The following KCNQ1 variants were observed in gnomAD, a reference collection of about 807,000 sequenced individuals.
KCNQ1 encodes potassium voltage-gated channel subfamily KQT member 1.
A neutral mutation model predicts 72.4 loss-of-function variants in KCNQ1; 49 were observed. That is an observed-to-expected ratio of 0.68 (90% CI 0.54 to 0.86). The LOEUF is 0.86. Among genes scored for constraint, KCNQ1 ranks in the 40% least tolerant of loss-of-function variants. KCNQ1 has a pLI of 0.00. For missense variants in KCNQ1, 790 were observed against 945.1 expected, an observed-to-expected ratio of 0.84 and a Z score of 2.15; for synonymous variants, 450 against 412.6, an observed-to-expected ratio of 1.09 and a Z score of -1.10.
rs1255782709 is a variant in KCNQ1, at chr11:2,683,488, A to C, written c.1514+21407A>C. 5.0e-6 allele frequency: 2 copies of C among 398,512 alleles called. No homozygotes were observed. Among genetic ancestry groups the C allele is most frequent in the East Asian group, 3.6e-5 (1 of 28,092 alleles). The allele number at this position is 398,512 out of a possible 1,614,324, so 24.7% of individuals were successfully genotyped here. A position where few individuals can be genotyped will look rare whatever the true frequency, so the allele number is the denominator to read the frequency against. On this transcript the variant is annotated intron_variant, in intron 11 of 15. Transcript: ENST00000155840. The surrounding 1 kb of genome is among the most constrained non-coding windows in gnomAD (Gnocchi z 4.7). ...CATCAATGACAGTTTTCCTATTAAAACATAACTTGTTAAAGCATAGAGCTT... is the reference window on the plus strand; with the variant it reads ...CATCAATGACAGTTTTCCTATTAAACCATAACTTGTTAAAGCATAGAGCTT...
intron 1 of KCNQ1, among the ~76,000 whole-genome samples, chr11:2,487,617 C>T (rs1458456922): frequency 3.9e-5 from 6 of 152,040 alleles, no homozygotes; most frequent in Non-Finnish European, 8.8e-5. Context: ...AAGTATTCTA[C>T]TTGATGCTAT....
intron 11 of KCNQ1, among the ~76,000 whole-genome samples, chr11:2,705,528 A>G (rs778305360): frequency 5.5e-4 from 83 of 152,162 alleles, no homozygotes; most frequent in Non-Finnish European, 9.7e-4. Context: ...CATTGCCTGC[A>G]GGGCCTTTTC....
At position 2,658,413 on chromosome 11, in the gene KCNQ1, A is replaced by C. The variant is rs181380554; in HGVS notation, c.1394-3548A>C. 9 of 398,504 alleles carry C rather than the reference A, an allele frequency of 2.3e-5. No homozygotes were observed. In the East Asian group the frequency reaches 2.8e-4, roughly 13 times the overall value. 24.7% of individuals were successfully genotyped at this position (398,504 alleles called of 1,614,324 possible). On this transcript the variant is annotated intron_variant, in intron 10 of 15. Transcript: ENST00000155840. The surrounding 1 kb of genome is among the most constrained non-coding windows in gnomAD (Gnocchi z 4.9). ...CAATATTATTTATTTTGTTGCTCAA[A>C]TTGTTCAAGCTGTGGCCACTGGTGG... is the stretch of plus-strand genomic sequence containing the variant.
Position 2,661,328 on chromosome 11 carries a change from G to C in KCNQ1, c.1394-633G>C. ...AGAGAGTGGGGAGTGATAAGGATCAGTATCCTGAGCTCCTGTGTCAAAGTT... is the reference window on the plus strand; with the variant it reads ...AGAGAGTGGGGAGTGATAAGGATCACTATCCTGAGCTCCTGTGTCAAAGTT... On this transcript the variant is annotated intron_variant, in intron 10 of 15. Coordinates refer to ENST00000155840, the MANE Select transcript of KCNQ1 (RefSeq NM_000218.3). This position sits in a 1 kb window ranked among gnomAD's most constrained non-coding sequence, Gnocchi z 5.9. 2 of 404,020 alleles carry C rather than the reference G, an allele frequency of 5.0e-6. No homozygotes were observed. The highest frequency in any genetic ancestry group is 8.3e-5 in the Admixed American group (2 of 24,152). 25.0% of individuals were successfully genotyped at this position (404,020 alleles called of 1,614,324 possible).
At chr11:2,582,849 G>T (rs757095700) in intron 6 of KCNQ1, among the ~76,000 whole-genome samples, 2 of 152,176 alleles carry the variant, frequency 1.3e-5, no homozygotes, top group Non-Finnish European at 1.5e-5. Context: ...ATGCCAGCGC[G>T]GGGGAAAGGG....
rs3831584 is a variant in KCNQ1 at position 2,682,475 on chromosome 11, C to CGAGTGAGT, written c.1514+20419_1514+20426dup. ...TCACGGACCCTCAGTGAATGTTTGA[C>CGAGTGAGT]GAGTGAGTGAGTGAGTGAGTGAGTG... On this transcript the variant is annotated intron_variant, in intron 11 of 15. Transcript: ENST00000155840. This position sits in a 1 kb window ranked among gnomAD's most constrained non-coding sequence, Gnocchi z 5.8. The CGAGTGAGT allele has an allele frequency of 0.38, 149,256 of 393,532 alleles. 30,245 individuals carry two copies. The highest frequency in any genetic ancestry group is 0.79 in the East Asian group (21,535 of 27,216). 24.4% of individuals were successfully genotyped at this position (393,532 alleles called of 1,614,324 possible). A position where few individuals can be genotyped will look rare whatever the true frequency, so the allele number is the denominator to read the frequency against.
chr11:2,736,545 GC>G (rs1845959814), intron 11 of KCNQ1, among the ~76,000 whole-genome samples: 1 of 152,164 alleles, frequency 6.6e-6, no homozygotes. Context: ...CTAGGAGGGG[GC>G]TTTGGAGCTG....
rs562107046 is a variant in KCNQ1, at chr11:2,787,447, G to C, written c.1794+9410G>C. Among the ~76,000 whole-genome samples, 4 of 152,220 alleles carry C rather than the reference G, an allele frequency of 2.6e-5. No homozygotes were observed. The highest frequency in any genetic ancestry group is 2.0e-4 in the Admixed American group (3 of 15,298). Reference sequence around the variant, plus strand: ...CTTCAGGGCCCCTATTACCTCTGGGGTTCCACTTTCACTGAGTTTTCAGCC... The same window carrying C: ...CTTCAGGGCCCCTATTACCTCTGGGCTTCCACTTTCACTGAGTTTTCAGCC... On this transcript the variant is annotated intron_variant, in intron 15 of 15. Transcript: ENST00000155840. The surrounding 1 kb of genome is among the most constrained non-coding windows in gnomAD (Gnocchi z 6.3).
At chr11:2,733,814 A>ACACACACACACACACACACACTCTCT in intron 11 of KCNQ1, among the ~76,000 whole-genome samples, 3 of 86,652 alleles carry the variant, frequency 3.5e-5, no homozygotes, top group African/African-American at 8.5e-5. Flanking sequence ...ACACACACAC[A>ACACACACACACACACACACACTCTCT]CTCTCTCACT....
intron 1 of KCNQ1, among the ~76,000 whole-genome samples, chr11:2,506,882 C>T (rs1847113581): frequency 1.3e-5 from 2 of 152,154 alleles, no homozygotes; most frequent in African/African-American, 4.8e-5. Context: ...TGTAAATCGT[C>T]TGTCTTCTCA....
At chr11:2,606,243 C>T (rs1848876890) in intron 10 of KCNQ1, among the ~76,000 whole-genome samples, 1 of 152,150 alleles carries the variant, frequency 6.6e-6, no homozygotes, top group African/African-American at 2.4e-5. Context: ...CCTTACTGAA[C>T]TCATTCGTTG....
At chr11:2,614,928 A>G (rs1733225339) in intron 10 of KCNQ1, 10 of 398,354 alleles carry the variant, frequency 2.5e-5, no homozygotes, top group East Asian at 1.8e-4. Context: ...TTCTGCAAAT[A>G]AAAAGGCCCT....
At chr11:2,496,495 CTTTTTTTTTTTTTT>C in intron 1 of KCNQ1, among the ~76,000 whole-genome samples, 14 of 29,830 alleles carry the variant, frequency 4.7e-4, no homozygotes, top group African/African-American at 1.3e-3. Flanking sequence ...ACAACCCCTG[CTTTTTTTTTTTTTT>C]TTTTTTTTTT....
chr11:2,812,154 G>A (rs552482540), intron 15 of KCNQ1, among the ~76,000 whole-genome samples: 40 of 152,160 alleles, frequency 2.6e-4, no homozygotes, highest in Non-Finnish European at 4.6e-4. Context: ...ACTCCCAGAC[G>A]GCTGGTCCCC....
chr11:2,528,388 T>C (rs1227445913), intron 2 of KCNQ1, among the ~76,000 whole-genome samples: 1 of 152,194 alleles, frequency 6.6e-6, no homozygotes, highest in African/African-American at 2.4e-5. Flanking sequence ...ACTCTGTTCC[T>C]GGGTTATGGC....
rs578152271 is a variant in KCNQ1 at position 2,780,506 on chromosome 11, C to A, written c.1794+2469C>A. On this transcript the variant is annotated intron_variant, in intron 15 of 15. Coordinates refer to ENST00000155840, the MANE Select transcript of KCNQ1 (RefSeq NM_000218.3). Reference sequence around the variant, plus strand: ...CTGGCCTTCCCTACCAGCACCCTCCCCCACCTCATCCCGCTGGTCTGGCTG... The same window carrying A: ...CTGGCCTTCCCTACCAGCACCCTCCACCACCTCATCCCGCTGGTCTGGCTG... Among the ~76,000 whole-genome samples the A allele has an allele frequency of 3.9e-5, 6 of 152,232 alleles. No individual in the cohort carries two copies. The East Asian group carries it at 1.2e-3, about 29-fold the overall frequency.
In KCNQ1 at chr11:2,458,461, T is replaced by G. The variant is rs72847636; in HGVS notation, c.386+12977T>G. On this transcript the variant is annotated intron_variant, in intron 1 of 15. Transcript: ENST00000155840. This position sits in a 1 kb window ranked among gnomAD's most constrained non-coding sequence, Gnocchi z 4.6. ...GTAGCTGATGGGGTTGCGTCCTTCT[T>G]TGGGACTCCCGCAGATGCCTGAGGC... Among the ~76,000 whole-genome samples the G allele has an allele frequency of 0.041, 6,302 of 152,290 alleles. 204 individuals are homozygous for G. The highest frequency in any genetic ancestry group is 0.064 in the Non-Finnish European group (4,331 of 68,024).
At position 2,671,512 on chromosome 11, in the gene KCNQ1, A is replaced by C. The variant is rs1297037710; in HGVS notation, c.1514+9431A>C. On this transcript the variant is annotated intron_variant, in intron 11 of 15. Coordinates refer to ENST00000155840, the MANE Select transcript of KCNQ1 (RefSeq NM_000218.3). The surrounding 1 kb of genome is among the most constrained non-coding windows in gnomAD (Gnocchi z 4.7). ...AGGGATTATTTTTAGGGCCAATTCA[A>C]GGGATTTTTCAAAGGTTAATTTTGA... is the stretch of plus-strand genomic sequence containing the variant. 2.5e-6 allele frequency: 1 copy of C among 398,540 alleles called. No individual in the cohort carries two copies. The highest frequency in any genetic ancestry group is 4.4e-6 in the Non-Finnish European group (1 of 226,090). The allele number at this position is 398,540 out of a possible 1,614,324, so 24.7% of individuals were successfully genotyped here.
chr11:2,535,885 GAT>G (rs1847723299), intron 2 of KCNQ1, among the ~76,000 whole-genome samples: 1 of 152,224 alleles, frequency 6.6e-6, no homozygotes, highest in Non-Finnish European at 1.5e-5. Flanking sequence ...CAGTGCTTGT[GAT>G]GGGCACCCTG....
Sources: allele counts gnomAD v4.1 joint callset (sites outside exome capture counted in the v4.1 genomes callset), GRCh38; gene constraint gnomAD v4.1.1; non-coding constraint Gnocchi (gnomAD v3.1); transcripts MANE v1.5; gene names NCBI Gene and HGNC (gene_info 2026-07-23, HGNC 2026-07-21).